WDR1: variants seen among roughly 807,000 people sequenced by gnomAD.
WDR1 encodes WD repeat-containing protein 1.
A neutral mutation model predicts 71.9 loss-of-function variants in WDR1; 21 were observed. That is an observed-to-expected ratio of 0.29 (90% confidence interval 0.21 to 0.42). The LOEUF (loss-of-function observed/expected upper bound fraction) is 0.42. Ranked by LOEUF, WDR1 falls within the 10% of genes least tolerant of loss-of-function variation. WDR1 has a pLI of 1.00. For synonymous variants in WDR1, 424 were observed against 347.4 expected, an observed-to-expected ratio of 1.22 and a Z score of -2.45; for missense variants, 696 against 824.5, an observed-to-expected ratio of 0.84 and a Z score of 1.91.
In WDR1 at chr4:10,116,727, G is replaced by T. The variant is rs1302023208; in HGVS notation, c.-61C>A. 7.7e-7 allele frequency: 1 copy of T among 1,294,706 alleles called. No individual in the cohort carries two copies. The highest frequency in any genetic ancestry group is 9.8e-7 in the Non-Finnish European group (1 of 1,019,904). The allele number at this position is 1,294,706 out of a possible 1,614,324, so 80.2% of individuals were successfully genotyped here. ...AGCCTCCGGGGCCGGCCCGCGCTGC[G>T]AATTACACCTCGCCGAGGCCGAGCC... On this transcript the variant is annotated 5_prime_UTR_variant, in exon 1 of 15. Transcript: ENST00000499869.
At chr4:10,107,515 C>T (rs757489794) in intron 2 of WDR1, among the ~76,000 whole-genome samples, 69 of 152,334 alleles carry the variant, frequency 4.5e-4, no homozygotes, top group Non-Finnish European at 1.6e-4. Flanking sequence ...ACCCTGCTGC[C>T]GCCCTGACGT....
At chr4:10,116,608 G>T in intron 1 of WDR1, 43 bp downstream of exon 1, 1 of 1,193,214 alleles carries the variant, frequency 8.4e-7, no homozygotes. Context: ...CGGGGCCGGG[G>T]CAGCGCGGCG....
intron 2 of WDR1, among the ~76,000 whole-genome samples, chr4:10,110,609 T>C (rs983699178): frequency 2.3e-4 from 35 of 152,174 alleles, no homozygotes; most frequent in African/African-American, 7.2e-4. Context: ...CCAACTCAAA[T>C]GTGGCACTTC....
At chr4:10,108,424 T>C (rs1044692411) in intron 2 of WDR1, 2 of 152,214 alleles carry the variant, frequency 1.3e-5, no homozygotes, top group African/African-American at 2.4e-5. Flanking sequence ...TTTCAGCAGA[T>C]GACGACACAA....
intron 5 of WDR1, among the ~76,000 whole-genome samples, chr4:10,089,652 T>C (rs1352488745): frequency 6.6e-6 from 1 of 152,198 alleles, no homozygotes; most frequent in African/African-American, 2.4e-5. Context: ...ACCCGGCAAA[T>C]GCACATCCAG....
Position 10,082,643 on chromosome 4 carries a change from T to C in WDR1, c.1196+379A>G, listed in dbSNP as rs115160934. Among the ~76,000 whole-genome samples, 1,037 of 150,968 alleles carry C rather than the reference T, an allele frequency of 6.9e-3. 9 individuals carry two copies. The highest frequency in any genetic ancestry group is 0.023 in the African/African-American group (958 of 41,112). On this transcript the variant is annotated intron_variant, in intron 10 of 14. Coordinates refer to ENST00000499869, the MANE Select transcript of WDR1 (RefSeq NM_017491.5). ...GGAATGCTGTCTTGTACTCAGCACCTGCCCTGTGCCAGGCTCACCTAATCC... is the reference window on the plus strand; with the variant it reads ...GGAATGCTGTCTTGTACTCAGCACCCGCCCTGTGCCAGGCTCACCTAATCC...
In WDR1 at chr4:10,103,928, T is replaced by C. The variant is rs2108797454; in HGVS notation, c.197A>G (p.Tyr66Cys). 1.9e-6 allele frequency: 3 copies of C among 1,600,780 alleles called. No homozygotes were observed. Among genetic ancestry groups the C allele is most frequent in the Non-Finnish European group, 2.6e-6 (3 of 1,174,038 alleles). Reference sequence around the variant, plus strand: ...GGCAATGTAGAATCCGCTGGGCGCATACTTGGCCACCACCACCTGATGGGC... The same window carrying C: ...GGCAATGTAGAATCCGCTGGGCGCACACTTGGCCACCACCACCTGATGGGC... Reference protein sequence around the residue: ...EHAHQVVVAKYAPSGFYIASG... With the variant: ...EHAHQVVVAKCAPSGFYIASG... The change falls in exon 3 of 15, where the codon TAT becomes TGT. Residue 66 changes from tyrosine (Y) to cysteine (C), a missense_variant. By Grantham distance (194) the Tyr-to-Cys change is radical (BLOSUM62 -2). Coordinates refer to ENST00000499869, the MANE Select transcript of WDR1 (RefSeq NM_017491.5).
chr4:10,077,208 A>G, intron 14 of WDR1, 96 bp downstream of exon 14: 4 of 1,491,482 alleles, frequency 2.7e-6, no homozygotes, highest in Non-Finnish European at 3.6e-6. Flanking sequence ...GAGGCTACTT[A>G]GCCCTGGGGA....
chr4:10,088,842 CA>C (rs1246248979), intron 5 of WDR1, 101 bp from the exon 6 acceptor site: 14 of 914,216 alleles, frequency 1.5e-5, no homozygotes, highest in Middle Eastern at 4.4e-4. Context: ...AGCTGTTCAT[CA>C]GTGTGAACTG....
At chr4:10,097,481 G>A (rs895227799) in intron 5 of WDR1, among the ~76,000 whole-genome samples, 2 of 152,218 alleles carry the variant, frequency 1.3e-5, no homozygotes, top group African/African-American at 4.8e-5. Context: ...TCATCCTAGG[G>A]CAGGGCCCTT....
intron 2 of WDR1, among the ~76,000 whole-genome samples, chr4:10,114,680 G>C (rs1713601546): frequency 6.6e-6 from 1 of 152,206 alleles, no homozygotes; most frequent in South Asian, 2.1e-4. Context: ...AAAAGCCTCA[G>C]GACCTGCCTT....
In WDR1 at chr4:10,088,016, A is replaced by G. The variant is rs1711698623; in HGVS notation, c.718-76T>C. 4 of 1,371,700 alleles carry G rather than the reference A, an allele frequency of 2.9e-6. No homozygotes were observed. In the African/African-American group the frequency reaches 4.4e-5, roughly 15 times the overall value. 85.0% of individuals were successfully genotyped at this position (1,371,700 alleles called of 1,614,324 possible). A position where few individuals can be genotyped will look rare whatever the true frequency, so the allele number is the denominator to read the frequency against. On this transcript the variant is annotated intron_variant, in intron 7 of 14. Coordinates refer to ENST00000499869, the MANE Select transcript of WDR1 (RefSeq NM_017491.5). The stretch of plus-strand genomic sequence containing the variant: ...AGAGACCCCAAAAAGCAGCTTGTCC[A>G]CTGCGACTGTTTGAGTAGGACAGAA...
intron 8 of WDR1, among the ~76,000 whole-genome samples, chr4:10,086,416 G>A (rs762133140): frequency 3.3e-5 from 5 of 152,186 alleles, no homozygotes; most frequent in Non-Finnish European, 4.4e-5. Flanking sequence ...CAAAGGAACC[G>A]TGACTCTATG....
chr4:10,078,050 C>T (rs1206169281), intron 12 of WDR1, 124 bp from the exon 13 acceptor site: 13 of 1,227,812 alleles, frequency 1.1e-5, no homozygotes, highest in East Asian at 8.1e-5. Context: ...CTCTGCTGGG[C>T]CCATGCCAGG....
intron 2 of WDR1, among the ~76,000 whole-genome samples, chr4:10,106,261 A>G (rs1443554843): frequency 6.6e-6 from 1 of 152,202 alleles, no homozygotes; most frequent in African/African-American, 2.4e-5. Flanking sequence ...ACACCTCAAT[A>G]AAACTAAGAT....
At chr4:10,116,509 G>T (rs1309207555) in intron 1 of WDR1, 142 bp downstream of exon 1, 3 of 671,788 alleles carry the variant, frequency 4.5e-6, no homozygotes, top group East Asian at 9.1e-5. Flanking sequence ...CACCGAGGGC[G>T]GCCCCGCCAC....
rs1764755408 is a variant in WDR1, at chr4:10,075,253, C to G, written c.*125G>C. On this transcript the variant is annotated 3_prime_UTR_variant, in exon 15 of 15. Coordinates refer to ENST00000499869, the MANE Select transcript of WDR1 (RefSeq NM_017491.5). ...GCAGAGACGAGGGTCATGACTGGGCCCTCCTGCCTCTTGTGGTGGGGTGGG... is the reference window on the plus strand; with the variant it reads ...GCAGAGACGAGGGTCATGACTGGGCGCTCCTGCCTCTTGTGGTGGGGTGGG... The G allele has an allele frequency of 1.3e-6, 1 of 772,064 alleles. No individual in the cohort carries two copies. Among genetic ancestry groups the G allele is most frequent in the Non-Finnish European group, 2.2e-6 (1 of 459,452 alleles). 47.8% of individuals were successfully genotyped at this position (772,064 alleles called of 1,614,324 possible). A position where few individuals can be genotyped will look rare whatever the true frequency, so the allele number is the denominator to read the frequency against.
intron 12 of WDR1, 167 bp downstream of exon 12, chr4:10,078,724 G>A: frequency 3.5e-6 from 2 of 575,850 alleles, no homozygotes; most frequent in Non-Finnish European, 6.1e-6. Context: ...GGTGGCAGGA[G>A]ATGGCGTGGC....
At chr4:10,113,034 C>T (rs1713483868) in intron 2 of WDR1, among the ~76,000 whole-genome samples, 1 of 152,194 alleles carries the variant, frequency 6.6e-6, no homozygotes, top group Non-Finnish European at 1.5e-5. Flanking sequence ...GGACACCCCT[C>T]TACTAAGGTG....
Sources: gnomAD v4.1 joint callset for allele counts (sites outside exome capture counted in the v4.1 genomes callset) on GRCh38, gnomAD v4.1.1 for gene constraint, MANE v1.5 for transcripts, NCBI Gene and HGNC (gene_info 2026-07-23, HGNC 2026-07-21) for gene names.